MTERF4: variants seen among roughly 807,000 people sequenced by gnomAD.
MTERF4 encodes transcription termination factor 4, mitochondrial.
In MTERF4, 17 loss-of-function variants were observed where a neutral mutation model predicts 22.5. That is an observed-to-expected ratio of 0.75 (90% CI 0.52 to 1.13). The LOEUF (loss-of-function observed/expected upper bound fraction) is 1.13. Ranked by LOEUF, MTERF4 falls within the 50% of genes most tolerant of loss-of-function variation. The probability of loss-of-function intolerance (pLI) is 0.00; values close to 1 mark genes in which losing one functional copy is unlikely to be tolerated. For missense variants in MTERF4, 420 were observed against 466.8 expected, an observed-to-expected ratio of 0.90 and a Z score of 0.92; for synonymous variants, 165 against 175.3, an observed-to-expected ratio of 0.94 and a Z score of 0.47.
chr2:241,065,344 G>A, the MTERF4 span: 1 of 1,612,928 alleles, frequency 6.2e-7, no homozygotes, highest in Non-Finnish European at 8.5e-7. Flanking sequence ...GTGGAGGAGA[G>A]TGGGGTCTCT....
At chr2:241,062,821 T>G in the MTERF4 span, 1 of 1,611,784 alleles carries the variant, frequency 6.2e-7, no homozygotes, top group Non-Finnish European at 8.5e-7. Context: ...CAGCCGTGCC[T>G]GCATGGGGGC....
chr2:241,088,329 C>G (rs1367334419), downstream of MTERF4: 2 of 1,526,382 alleles, frequency 1.3e-6, no homozygotes, highest in Admixed American at 1.7e-5. Flanking sequence ...TACACAGTCT[C>G]TTTTTCATTA....
chr2:241,089,838 G>A, downstream of MTERF4: 1 of 1,376,860 alleles, frequency 7.3e-7, no homozygotes. Flanking sequence ...TAGGCTGTGT[G>A]GCAGAGCCCA....
chr2:241,087,776 C>A, downstream of MTERF4: 1 of 1,063,284 alleles, frequency 9.4e-7, no homozygotes, highest in Non-Finnish European at 1.2e-6. Flanking sequence ...TTACGGACAG[C>A]CCCGAGTATT....
At chr2:241,049,776 C>G in the MTERF4 span, 20 of 1,495,670 alleles carry the variant, frequency 1.3e-5, no homozygotes, top group Middle Eastern at 1.9e-4. Context: ...CGCACAGATG[C>G]GGCGTAAGCT....
downstream of MTERF4, chr2:241,067,626 G>A (rs1245689114): frequency 1.4e-5 from 9 of 650,164 alleles, no homozygotes; most frequent in African/African-American, 9.1e-5. Flanking sequence ...CGAGTTCCCT[G>A]AGCAGTTGAT....
At chr2:241,052,817 G>A in the MTERF4 span, among the ~76,000 whole-genome samples, 1 of 138,202 alleles carries the variant, frequency 7.2e-6, no homozygotes, top group South Asian at 2.5e-4. Flanking sequence ...CCCAAGCAGG[G>A]TACATGGGAT....
At chr2:241,071,144 C>T (rs1392363450), downstream of MTERF4, among the ~76,000 whole-genome samples, 1 of 152,184 alleles carries the variant, frequency 6.6e-6, no homozygotes, top group Non-Finnish European at 1.5e-5. Flanking sequence ...CAGATGCACC[C>T]TCACTCTCAG....
the MTERF4 span, chr2:241,065,053 G>A: frequency 4.0e-6 from 4 of 991,836 alleles, no homozygotes; most frequent in Non-Finnish European, 5.8e-6. Context: ...TCTGGCCGCT[G>A]CTTGCCCAGG....
At chr2:241,066,283 C>T in the MTERF4 span, among the ~76,000 whole-genome samples, 724 of 152,228 alleles carry the variant, frequency 4.8e-3, 7 homozygotes, top group African/African-American at 0.016. Flanking sequence ...AGATGCTGAG[C>T]GCTCTAGGGA....
the MTERF4 span, chr2:241,048,300 C>T: frequency 1.3e-6 from 2 of 1,585,522 alleles, no homozygotes; most frequent in Middle Eastern, 1.7e-4. Context: ...CTGGTGACTG[C>T]CGTCTTTCTT....
Position 241,096,292 on chromosome 2 carries a change from C to A in MTERF4, c.852G>T (p.Gln284His). 1 of 1,614,208 alleles carries A rather than the reference C, an allele frequency of 6.2e-7. No individual in the cohort carries two copies. The highest frequency in any genetic ancestry group is 1.3e-5 in the African/African-American group (1 of 75,046). ...YQTPDKKGQT[Q>H]IPNPLLKDIL... ...TGTCCTTGAGCAATGGGTTAGGGAT[C>A]TGTGTCTGCCCCTTCTTATCAGGGG... Residue 284 changes from glutamine (Q) to histidine (H), a missense_variant, in exon 4 of 4, where the codon CAG (glutamine) becomes CAT (histidine). Transcript: ENST00000391980. The surrounding 1 kb of genome is among the most constrained non-coding windows in gnomAD (Gnocchi z 5.1).
At chr2:241,083,498 C>A (rs2063430654), downstream of MTERF4, among the ~76,000 whole-genome samples, 1 of 152,162 alleles carries the variant, frequency 6.6e-6, no homozygotes, top group South Asian at 2.1e-4. Flanking sequence ...GTAGAAGCTT[C>A]ATTAGAGCTT....
chr2:241,052,381 T>G, the MTERF4 span: 1 of 1,586,550 alleles, frequency 6.3e-7, no homozygotes, highest in Non-Finnish European at 8.6e-7. Context: ...CCGGAGCCCG[T>G]GTGTGAATGG....
chr2:241,081,896 A>C, intron 4 of MTERF4: 1 of 853,164 alleles, frequency 1.2e-6, no homozygotes. Flanking sequence ...CCTCCAAACG[A>C]TGAGGTGCCA....
At chr2:241,049,809 G>A in the MTERF4 span, 2 of 1,606,932 alleles carry the variant, frequency 1.2e-6, no homozygotes, top group Non-Finnish European at 1.7e-6. Flanking sequence ...TCTGTCCCCC[G>A]CCCCCAGCCC....
chr2:241,079,926 T>C (rs1025053840), intron 4 of MTERF4, among the ~76,000 whole-genome samples: 3 of 152,118 alleles, frequency 2.0e-5, no homozygotes, highest in South Asian at 4.1e-4. Context: ...AAGAAAATAA[T>C]TGTTAACGCC....
intron 4 of MTERF4, among the ~76,000 whole-genome samples, chr2:241,078,425 A>C (rs2063152581): frequency 6.6e-6 from 1 of 151,724 alleles, no homozygotes; most frequent in Non-Finnish European, 1.5e-5. Flanking sequence ...AGGATAAGCA[A>C]AACATGGTAT....
At chr2:241,068,358 T>C (rs972020090), downstream of MTERF4, among the ~76,000 whole-genome samples, 1 of 144,476 alleles carries the variant, frequency 6.9e-6, no homozygotes, top group African/African-American at 2.8e-5. The surrounding 1 kb of genome is among the most constrained non-coding windows in gnomAD (Gnocchi z 5.3). Context: ...CGAGGGTAGA[T>C]GGTAGCAGCC....
Sources: allele counts gnomAD v4.1 joint callset (sites outside exome capture counted in the v4.1 genomes callset), GRCh38; gene constraint gnomAD v4.1.1; non-coding constraint Gnocchi (gnomAD v3.1); transcripts MANE v1.5; gene names NCBI Gene and HGNC (gene_info 2026-07-23, HGNC 2026-07-21).